The following NCKAP5 variants were observed in gnomAD, a reference collection of about 807,000 sequenced individuals.
NCKAP5 encodes nck-associated protein 5.
In NCKAP5, 92 loss-of-function variants were observed where a neutral mutation model predicts 167.0. The observed-to-expected ratio is 0.55, with a 90% confidence interval of 0.47 to 0.66. The LOEUF is 0.66. NCKAP5 is among the 30% of genes least tolerant of loss of function. The pLI is 0.00. For missense variants in NCKAP5, 2,378 were observed against 2,315.0 expected (o/e 1.03, Z -0.56); for synonymous variants, 891 against 877.4 (o/e 1.02, Z -0.27).
chr2:133,334,158 C>T (rs1683059196), intron 3 of NCKAP5, among the ~76,000 whole-genome samples: 3 of 152,316 alleles, frequency 2.0e-5, no homozygotes, highest in African/African-American at 7.2e-5. Context: ...GGCTCTGTGA[C>T]TTAATGGTCG....
At chr2:133,025,940 C>T (rs995080841) in intron 6 of NCKAP5, among the ~76,000 whole-genome samples, 17 of 152,060 alleles carry the variant, frequency 1.1e-4, no homozygotes, top group Non-Finnish European at 5.9e-5. Flanking sequence ...GGTATTAAGC[C>T]CAGCATGCAT....
At chr2:133,473,221 A>C (rs974588821) in intron 3 of NCKAP5, among the ~76,000 whole-genome samples, 1 of 151,916 alleles carries the variant, frequency 6.6e-6, no homozygotes, top group Non-Finnish European at 1.5e-5. Context: ...AGTCCCAGCT[A>C]CTCAGGAGGC....
chr2:133,596,655 G>A, the NCKAP5 span, among the ~76,000 whole-genome samples: 3,786 of 152,276 alleles, frequency 0.025, 54 homozygotes, highest in African/African-American at 0.04. Context: ...TCCAGCAGAA[G>A]CAGGTTCAGG....
chr2:133,441,935 C>CT (rs902317517), intron 3 of NCKAP5, among the ~76,000 whole-genome samples: 20 of 152,150 alleles, frequency 1.3e-4, no homozygotes, highest in Middle Eastern at 6.8e-3. Flanking sequence ...AGGTATCATT[C>CT]TTTTTTTTCA....
intron 5 of NCKAP5, among the ~76,000 whole-genome samples, chr2:133,131,545 C>T (rs944800821): frequency 1.3e-5 from 2 of 152,160 alleles, no homozygotes; most frequent in African/African-American, 2.4e-5. Flanking sequence ...TGCAGTAGTG[C>T]TGGAAATATA....
chr2:133,170,694 T>C (rs556023537), intron 5 of NCKAP5, among the ~76,000 whole-genome samples: 4 of 152,220 alleles, frequency 2.6e-5, no homozygotes, highest in Non-Finnish European at 2.9e-5. Flanking sequence ...TGTTGAGGCA[T>C]TGACAAGACT....
intron 19 of NCKAP5, among the ~76,000 whole-genome samples, chr2:132,686,296 C>T (rs951590914): frequency 6.6e-5 from 10 of 152,164 alleles, no homozygotes; most frequent in African/African-American, 2.4e-4. Context: ...CTGGATTGTA[C>T]ATCTTCCTCT....
In NCKAP5 at chr2:133,287,539, C is replaced by T. The variant is rs577300495; in HGVS notation, c.143+15498G>A. Among the ~76,000 whole-genome samples, 12 of 152,172 alleles carry T rather than the reference C, an allele frequency of 7.9e-5. No individual in the cohort carries two copies. The South Asian group carries it at 2.3e-3, about 29-fold the overall frequency. Reference sequence around the variant, plus strand: ...TTTTAATTTCCCTGTTCAAGAAAATCGATCAATGTGTGTTAGCTAAACACC... The same window carrying T: ...TTTTAATTTCCCTGTTCAAGAAAATTGATCAATGTGTGTTAGCTAAACACC... On this transcript the variant is annotated intron_variant, in intron 4 of 19. Coordinates refer to ENST00000409261, the MANE Select transcript of NCKAP5 (RefSeq NM_207363.3).
chr2:133,564,764 C>T (rs1002062190), intron 1 of NCKAP5, among the ~76,000 whole-genome samples: 6 of 152,116 alleles, frequency 3.9e-5, no homozygotes, highest in African/African-American at 1.4e-4. Flanking sequence ...ACAGGCAAAG[C>T]TGGGACTCAA....
At chr2:133,356,852 G>A (rs1684751604) in intron 3 of NCKAP5, among the ~76,000 whole-genome samples, 1 of 152,086 alleles carries the variant, frequency 6.6e-6, no homozygotes, top group Non-Finnish European at 1.5e-5. Context: ...TTATATAGAG[G>A]AGGCCTTTAA....
chr2:133,284,673 C>G (rs1164494512), intron 4 of NCKAP5: 2 of 152,214 alleles, frequency 1.3e-5, no homozygotes, highest in African/African-American at 4.8e-5. Flanking sequence ...ACAACTATAT[C>G]TAACATTTTA....
At chr2:133,245,459 T>C (rs2087928525) in intron 4 of NCKAP5, among the ~76,000 whole-genome samples, 1 of 152,172 alleles carries the variant, frequency 6.6e-6, no homozygotes, top group Admixed American at 6.6e-5. Flanking sequence ...AACCAATTTA[T>C]GGTAACAGAA....
At chr2:133,374,348 G>A (rs1231439764) in intron 3 of NCKAP5, among the ~76,000 whole-genome samples, 1 of 152,208 alleles carries the variant, frequency 6.6e-6, no homozygotes, top group African/African-American at 2.4e-5. Context: ...GGGATAAGGG[G>A]AAGGGACTGG....
At chr2:132,727,913 G>C (rs1165494227) in intron 18 of NCKAP5, among the ~76,000 whole-genome samples, 2 of 152,224 alleles carry the variant, frequency 1.3e-5, no homozygotes, top group African/African-American at 4.8e-5. Flanking sequence ...GAGTGAGGGA[G>C]ACCTCAGATG....
intron 6 of NCKAP5, among the ~76,000 whole-genome samples, chr2:133,067,595 A>C (rs2149538115): frequency 6.6e-6 from 1 of 152,310 alleles, no homozygotes; most frequent in African/African-American, 2.4e-5. Flanking sequence ...GGGATACTCC[A>C]AGTCAAGTGG....
chr2:133,273,772 G>A (rs536114353), intron 4 of NCKAP5, among the ~76,000 whole-genome samples: 234 of 150,754 alleles, frequency 1.6e-3, no homozygotes, highest in African/African-American at 5.4e-3. Context: ...AAGATGATTT[G>A]GCCCTAGAAA....
At chr2:133,406,203 T>C (rs1403063766) in intron 3 of NCKAP5, among the ~76,000 whole-genome samples, 2 of 152,270 alleles carry the variant, frequency 1.3e-5, no homozygotes, top group African/African-American at 4.8e-5. Flanking sequence ...ACCTGAGTAT[T>C]GATACAGATT....
At chr2:133,430,932 T>C (rs889279895) in intron 3 of NCKAP5, among the ~76,000 whole-genome samples, 3 of 151,822 alleles carry the variant, frequency 2.0e-5, no homozygotes, top group Admixed American at 6.6e-5. Context: ...AATTGTTAAA[T>C]TGATATCATC....
intron 6 of NCKAP5, among the ~76,000 whole-genome samples, chr2:133,049,623 G>C (rs2079536662): frequency 6.6e-6 from 1 of 151,734 alleles, no homozygotes; most frequent in African/African-American, 2.4e-5. Flanking sequence ...GTGATCATGG[G>C]GTATAAGTGG....
Sources: gnomAD v4.1 joint callset for allele counts (sites outside exome capture counted in the v4.1 genomes callset) on GRCh38, gnomAD v4.1.1 for gene constraint, MANE v1.5 for transcripts, NCBI Gene and HGNC (gene_info 2026-07-23, HGNC 2026-07-21) for gene names.